AHRR: variants seen among roughly 807,000 people sequenced by gnomAD.
The protein encoded by AHRR is ahR repressor.
A neutral mutation model predicts 44.0 loss-of-function variants in AHRR; 28 were observed. The observed-to-expected ratio is 0.64, with a 90% CI of 0.47 to 0.87. AHRR has a LOEUF of 0.87. Ranked by LOEUF, AHRR falls within the 40% of genes least tolerant of loss-of-function variation. The pLI is 0.00. For synonymous variants in AHRR, 434 were observed against 407.0 expected, an observed-to-expected ratio of 1.07 and a Z score of -0.80; for missense variants, 990 against 953.9, an observed-to-expected ratio of 1.04 and a Z score of -0.50.
At chr5:323,365 T>G (rs557038343) in intron 1 of AHRR, among the ~76,000 whole-genome samples, 1 of 152,248 alleles carries the variant, frequency 6.6e-6, no homozygotes, top group South Asian at 2.1e-4. Flanking sequence ...CCTCCTGTAT[T>G]TAGGCTAGGT....
In AHRR at chr5:368,750, T is replaced by G. The variant is rs1267636661; in HGVS notation, c.245-7860T>G. ...CCCCGGGTTCTGTGATCTCAGAAAG[T>G]GGTTAGAGGCGCATTCTCTTGACCA... On this transcript the variant is annotated intron_variant, in intron 3 of 10. Transcript: ENST00000684583. 2.0e-5 allele frequency among the ~76,000 whole-genome samples: 3 copies of G among 152,112 alleles called. No homozygotes were observed. In the East Asian group the frequency reaches 5.8e-4, roughly 29 times the overall value.
At chr5:409,549 T>G (rs1316656963) in intron 4 of AHRR, among the ~76,000 whole-genome samples, 1 of 152,222 alleles carries the variant, frequency 6.6e-6, no homozygotes, top group East Asian at 1.9e-4. Context: ...AACTTGCACA[T>G]CCCTGATGGC....
chr5:350,233 C>T (rs979616387), intron 2 of AHRR, among the ~76,000 whole-genome samples: 1 of 152,202 alleles, frequency 6.6e-6, no homozygotes, highest in Non-Finnish European at 1.5e-5. Context: ...ATTGAATCAT[C>T]CAATCAAAGA....
chr5:388,633 C>T lies in AHRR; in HGVS notation c.351+11917C>T, dbSNP rs1017450780. On this transcript the variant is annotated intron_variant, in intron 4 of 10. Transcript: ENST00000684583. The surrounding 1 kb of genome is among the most constrained non-coding windows in gnomAD (Gnocchi z 5.2). ...AGGGGCCGAGCCGACTGGAGGGGCA[C>T]AGCCTGGCATGGGGCTTGGTGACAT... is the stretch of plus-strand genomic sequence containing the variant. Among the ~76,000 whole-genome samples, 3 of 152,158 alleles carry T rather than the reference C, an allele frequency of 2.0e-5. No homozygotes were observed. The highest frequency in any genetic ancestry group is 7.2e-5 in the African/African-American group (3 of 41,446).
chr5:344,262 G>C (rs1361729254), intron 2 of AHRR, among the ~76,000 whole-genome samples: 2 of 151,060 alleles, frequency 1.3e-5, no homozygotes, highest in Non-Finnish European at 3.0e-5. Context: ...CCGGGCGGCA[G>C]AGGCGGAGGC....
intron 8 of AHRR, among the ~76,000 whole-genome samples, chr5:430,354 C>T (rs1325334581): frequency 3.3e-5 from 5 of 152,228 alleles, no homozygotes; most frequent in Admixed American, 6.5e-5. Flanking sequence ...CCGTGCCCTC[C>T]GTGGGAGCAC....
intron 5 of AHRR, among the ~76,000 whole-genome samples, chr5:415,328 T>C (rs1404725297): frequency 2.7e-5 from 4 of 148,680 alleles, no homozygotes; most frequent in Non-Finnish European, 6.0e-5. Flanking sequence ...AGGGGCCGAA[T>C]CTGCCTGGTG....
Position 404,153 on chromosome 5 carries a change from C to G in AHRR, c.352-9191C>G, listed in dbSNP as rs2126499107. The G allele has an allele frequency of 9.3e-6, 5 of 536,388 alleles. No homozygotes were observed. Among genetic ancestry groups the G allele is most frequent in the Non-Finnish European group, 1.8e-5 (5 of 280,932 alleles). The allele number at this position is 536,388 out of a possible 1,614,324, so 33.2% of individuals were successfully genotyped here. A position where few individuals can be genotyped will look rare whatever the true frequency, so the allele number is the denominator to read the frequency against. On this transcript the variant is annotated intron_variant, in intron 4 of 10. Transcript: ENST00000684583. The surrounding 1 kb of genome is among the most constrained non-coding windows in gnomAD (Gnocchi z 4.1). ...TCCGTCTCTCTCAGCCTCAGCCGTT[C>G]CTGGTGGGTCTGCATTCCTGTCACG...
Position 434,031 on chromosome 5 carries a change from C to T in AHRR, c.1291C>T (p.Arg431Cys), listed in dbSNP as rs111768223. The change falls in exon 11 of 11, where the codon CGC (arginine) becomes TGC (cysteine). Residue 431 changes from arginine (R) to cysteine (C), a missense_variant. Coordinates refer to ENST00000684583, the MANE Select transcript of AHRR (RefSeq NM_001377236.1). ...CCCGCCCTCCCTGCGCCCCATGCCC[C>T]GCGGCTCCTGCCTGCCCTGCCCGTG... ...NDPPSLRPMP[R>C]GSCLPCPCVQ... 16,055 of 1,605,194 alleles carry T rather than the reference C, an allele frequency of 0.01. 112 individuals carry two copies. The highest frequency in any genetic ancestry group is 0.012 in the Non-Finnish European group (14,231 of 1,176,380).
At chr5:328,171 C>T (rs563428272) in intron 1 of AHRR, among the ~76,000 whole-genome samples, 2 of 149,444 alleles carry the variant, frequency 1.3e-5, no homozygotes, top group East Asian at 4.0e-4. Flanking sequence ...AATCTCCATG[C>T]TGTTTTCCAT....
At chr5:391,400 C>G (rs74706914) in intron 4 of AHRR, among the ~76,000 whole-genome samples, 1 of 81,466 alleles carries the variant, frequency 1.2e-5, no homozygotes, top group Non-Finnish European at 2.5e-5. Flanking sequence ...GGGCGCAGGG[C>G]GAGGCAGGGC....
intron 4 of AHRR, among the ~76,000 whole-genome samples, chr5:376,990 A>C (rs28380161): frequency 1.1e-3 from 168 of 152,250 alleles, no homozygotes; most frequent in African/African-American, 3.9e-3. Flanking sequence ...TCAGGAAATC[A>C]TCCTCATTCT....
rs1313915980 is a variant in AHRR, at chr5:404,804, C to G, written c.352-8540C>G. On this transcript the variant is annotated intron_variant, in intron 4 of 10. Transcript: ENST00000684583. This position sits in a 1 kb window ranked among gnomAD's most constrained non-coding sequence, Gnocchi z 4.1. ...GTTTTTAGGTGAAAATCGGAGGTGGCGCAGGACATGGTGAGATGATTATCC... is the reference window on the plus strand; with the variant it reads ...GTTTTTAGGTGAAAATCGGAGGTGGGGCAGGACATGGTGAGATGATTATCC... Among the ~76,000 whole-genome samples the G allele has an allele frequency of 6.6e-6, 1 of 152,082 alleles. No homozygotes were observed. The highest frequency in any genetic ancestry group is 2.4e-5 in the African/African-American group (1 of 41,400).
intron 4 of AHRR, among the ~76,000 whole-genome samples, chr5:403,516 A>G (rs1288492145): frequency 7.2e-5 from 11 of 151,960 alleles, no homozygotes; most frequent in Admixed American, 3.9e-4. Context: ...CATGCCTGTA[A>G]TCCCAGCTAC....
At position 338,177 on chromosome 5, in the gene AHRR, CTTATCTT is replaced by C. The variant is rs1742210690; in HGVS notation, c.-10-5712_-10-5706del. Among the ~76,000 whole-genome samples the C allele has an allele frequency of 1.3e-5, 2 of 152,210 alleles. No homozygotes were observed. Among genetic ancestry groups the C allele is most frequent in the Non-Finnish European group, 1.5e-5 (1 of 68,038 alleles). On this transcript the variant is annotated intron_variant, in intron 1 of 10. Transcript: ENST00000684583. The surrounding 1 kb of genome is among the most constrained non-coding windows in gnomAD (Gnocchi z 4.1). ...ACACACTGTTGTTATTGCTTAGTCACTTATCTTTTAAAGATATCTAAGCAATAAGAAC... is the reference window on the plus strand; with the variant it reads ...ACACACTGTTGTTATTGCTTAGTCACTTAAAGATATCTAAGCAATAAGAAC...
At chr5:414,061 G>T (rs1735590782) in intron 5 of AHRR, among the ~76,000 whole-genome samples, 1 of 152,196 alleles carries the variant, frequency 6.6e-6, no homozygotes, top group Non-Finnish European at 1.5e-5. Context: ...TCAGGAGATT[G>T]AGACCAGGCT....
chr5:375,792 C>G (rs1251628740), intron 3 of AHRR, among the ~76,000 whole-genome samples: 1 of 152,212 alleles, frequency 6.6e-6, no homozygotes, highest in African/African-American at 2.4e-5. Flanking sequence ...TCCCATGTCT[C>G]CAGTGCCCAT....
intron 5 of AHRR, chr5:418,911 T>A (rs1735947482): frequency 6.6e-6 from 1 of 152,600 alleles, no homozygotes; most frequent in Admixed American, 6.5e-5. Flanking sequence ...ACTGGTGAGT[T>A]GGAGAAGTCC....
intron 3 of AHRR, among the ~76,000 whole-genome samples, chr5:361,397 T>G (rs1743180131): frequency 6.6e-6 from 1 of 152,220 alleles, no homozygotes; most frequent in East Asian, 1.9e-4. Context: ...CAGCTTGGCC[T>G]AAGGAGAACA....
Sources: allele counts gnomAD v4.1 joint callset (sites outside exome capture counted in the v4.1 genomes callset), GRCh38; gene constraint gnomAD v4.1.1; non-coding constraint Gnocchi (gnomAD v3.1); transcripts MANE v1.5; gene names NCBI Gene and HGNC (gene_info 2026-07-23, HGNC 2026-07-21).